STK3: variants seen among roughly 807,000 people sequenced by gnomAD.
STK3 encodes the protein serine/threonine kinase 3.
Under a neutral mutation model 58.0 loss-of-function variants are expected in STK3, and 41 were observed. That is an observed-to-expected ratio of 0.71 (90% CI 0.55 to 0.92). The LOEUF is 0.92. Ranked by LOEUF, STK3 falls within the 40% of genes least tolerant of loss-of-function variation. STK3 has a pLI of 0.00. For synonymous variants in STK3, 170 were observed against 191.0 expected (o/e 0.89, Z 0.91); for missense variants, 479 against 602.7 (o/e 0.79, Z 2.15).
At chr8:98,704,650 G>A (rs1199338688) in intron 6 of STK3, among the ~76,000 whole-genome samples, 1 of 151,870 alleles carries the variant, frequency 6.6e-6, no homozygotes, top group Non-Finnish European at 1.5e-5. Flanking sequence ...TTATTTTCAG[G>A]TATATTTTTA....
downstream of STK3, chr8:98,883,621 G>C (rs1043449959): frequency 1.4e-6 from 1 of 702,584 alleles, no homozygotes; most frequent in Non-Finnish European, 2.6e-6. Context: ...GGTCTGAGGA[G>C]GGACTGCAAC....
rs564288660 is a variant in STK3 at position 98,479,176 on chromosome 8, A to G, written c.1318-23176T>C. 5.2e-4 allele frequency among the ~76,000 whole-genome samples: 79 copies of G among 152,068 alleles called. 1 individual carries two copies. The highest frequency in any genetic ancestry group is 9.3e-4 in the Non-Finnish European group (63 of 68,014). The stretch of plus-strand genomic sequence containing the variant: ...GTGCAGGTGTGTAGTTTAGCAGGAA[A>G]CTTGACAGGCAGTTAAAAGACAAAG... On this transcript the variant is annotated intron_variant, in intron 10 of 10. Coordinates refer to ENST00000419617, the MANE Select transcript of STK3 (RefSeq NM_006281.4).
intron 6 of STK3, among the ~76,000 whole-genome samples, chr8:98,674,655 G>A (rs1823067829): frequency 6.6e-6 from 1 of 152,114 alleles, no homozygotes; most frequent in African/African-American, 2.4e-5. Context: ...AAAAGGTCAA[G>A]TCTAAAAACC....
At chr8:98,795,494 C>T (rs1179790955) in intron 1 of STK3, among the ~76,000 whole-genome samples, 2 of 151,970 alleles carry the variant, frequency 1.3e-5, no homozygotes, top group African/African-American at 4.8e-5. Context: ...GACAAGGATG[C>T]CCACTCTTAG....
At chr8:98,858,323 T>TAG (rs1554691273) in intron 3 of STK3, among the ~76,000 whole-genome samples, 415 of 16,266 alleles carry the variant, frequency 0.026, 31 homozygotes, top group Admixed American at 0.067. Context: ...TATATATATA[T>TAG]AGAGAGAGAG....
At chr8:98,597,627 G>C (rs949360188) in intron 6 of STK3, 1 of 985,264 alleles carries the variant, frequency 1.0e-6, no homozygotes, top group Admixed American at 6.2e-5. Flanking sequence ...ATTGCCACAA[G>C]ATGAATCTGC....
intron 1 of STK3, among the ~76,000 whole-genome samples, chr8:98,795,802 A>AATACAATACAATATG (rs1833125850): frequency 1.6e-5 from 1 of 61,558 alleles, no homozygotes; most frequent in African/African-American, 1.3e-4. Context: ...CACAAAATAC[A>AATACAATACAATATG]ATACAATACA....
intron 8 of STK3, among the ~76,000 whole-genome samples, chr8:98,561,178 A>C (rs1207731672): frequency 6.6e-6 from 1 of 151,612 alleles, no homozygotes; most frequent in Non-Finnish European, 1.5e-5. Flanking sequence ...AAACAGAATA[A>C]AGAGCTCAGA....
Position 98,618,539 on chromosome 8 carries a change from C to T in STK3, c.685-22370G>A, listed in dbSNP as rs200943708. On this transcript the variant is annotated intron_variant, in intron 6 of 10. Coordinates refer to ENST00000419617, the MANE Select transcript of STK3 (RefSeq NM_006281.4). ...AAGTCAAACTGTCCCTGTTTGCAGA[C>T]GACATGATTGTTTATCTAGAAAACC... Among the ~76,000 whole-genome samples the T allele has an allele frequency of 4.8e-3, 714 of 150,260 alleles. 8 individuals are homozygous for T. The highest frequency in any genetic ancestry group is 0.01 in the Middle Eastern group (3 of 294).
At chr8:98,677,887 T>C (rs1189862328) in intron 6 of STK3, among the ~76,000 whole-genome samples, 1 of 152,234 alleles carries the variant, frequency 6.6e-6, no homozygotes, top group Non-Finnish European at 1.5e-5. Context: ...AGTCAGGTAG[T>C]TGGAGAACAA....
At position 98,877,483 on chromosome 8, in the gene STK3, G is replaced by A. The variant is rs947471105; in HGVS notation, c.110+6164C>T. ...GTCATTCCATGTGTTTTTTTTGTTT[G>A]TTTTTTTGGTTTTTTTTGAGATGGA... is the stretch of plus-strand genomic sequence containing the variant. On this transcript the variant is annotated intron_variant, in intron 3 of 12. Coordinates refer to the STK3 transcript ENST00000523601. Among the ~76,000 whole-genome samples the A allele has an allele frequency of 2.0e-5, 3 of 151,730 alleles. No homozygotes were observed. In the East Asian group the frequency reaches 5.8e-4, roughly 29 times the overall value.
At chr8:98,584,599 T>C in intron 7 of STK3, among the ~76,000 whole-genome samples, 1 of 149,412 alleles carries the variant, frequency 6.7e-6, no homozygotes, top group East Asian at 2.0e-4. Context: ...TTTATAGTCC[T>C]TTGGGTATAT....
intron 1 of STK3, chr8:98,904,961 T>G: frequency 1.4e-6 from 1 of 720,680 alleles, no homozygotes; most frequent in Non-Finnish European, 2.6e-6. Context: ...CTGCTGCCGC[T>G]GCTGCTACTG....
chr8:98,678,551 A>G (rs1334165015), intron 6 of STK3, among the ~76,000 whole-genome samples: 1 of 152,188 alleles, frequency 6.6e-6, no homozygotes, highest in Admixed American at 6.5e-5. Flanking sequence ...TCATAAAAAC[A>G]GAATGTATAT....
the STK3 span, among the ~76,000 whole-genome samples, chr8:98,360,022 G>A: frequency 2.0e-5 from 3 of 152,062 alleles, no homozygotes; most frequent in Non-Finnish European, 4.4e-5. Context: ...CTTTATCTTG[G>A]CTGGAAGTTG....
intron 1 of STK3, chr8:98,437,825 T>C (rs1420932030): frequency 6.6e-6 from 1 of 152,206 alleles, no homozygotes; most frequent in Non-Finnish European, 1.5e-5. Flanking sequence ...ATTCTGCATT[T>C]CTTTTTGTGG....
intron 9 of STK3, among the ~76,000 whole-genome samples, chr8:98,533,450 T>TTGTA (rs944470401): frequency 1.3e-5 from 2 of 151,948 alleles, no homozygotes; most frequent in South Asian, 2.1e-4. Context: ...TATGAGTATG[T>TTGTA]TGTATGTATG....
the STK3 span, among the ~76,000 whole-genome samples, chr8:98,365,908 T>A: frequency 6.6e-6 from 1 of 152,216 alleles, no homozygotes; most frequent in Non-Finnish European, 1.5e-5. Flanking sequence ...CATACAGACT[T>A]ATTTGTTTTA....
chr8:98,375,272 A>C (rs202027135), intron 2 of STK3, among the ~76,000 whole-genome samples: 4,338 of 24,754 alleles, frequency 0.18, 307 homozygotes, highest in Admixed American at 0.37. Flanking sequence ...AAAAAAAAAC[A>C]AAAAAAAACA....
Sources: allele counts gnomAD v4.1 joint callset (sites outside exome capture counted in the v4.1 genomes callset), GRCh38; gene constraint gnomAD v4.1.1; transcripts MANE v1.5; gene names NCBI Gene and HGNC (gene_info 2026-07-23, HGNC 2026-07-21).